DHX35: variants seen among roughly 807,000 people sequenced by gnomAD.
The protein encoded by DHX35 is probable ATP-dependent RNA helicase DHX35.
DHX35 carries 84 observed loss-of-function variants against 99.6 expected under a neutral mutation model. That is an observed-to-expected ratio of 0.84 (90% confidence interval 0.71 to 1.01). The LOEUF is 1.01. DHX35 is among the 50% of genes least tolerant of loss of function. DHX35 has a pLI of 0.00. For missense variants in DHX35, 852 were observed against 888.5 expected (o/e 0.96, Z 0.52); for synonymous variants, 331 against 316.2 (o/e 1.05, Z -0.50).
intron 8 of DHX35, among the ~76,000 whole-genome samples, chr20:38,996,023 T>G (rs1192966561): frequency 6.6e-6 from 1 of 152,208 alleles, no homozygotes; most frequent in Non-Finnish European, 1.5e-5. Context: ...GTCTCCTTGC[T>G]GTTCCTCAAA....
intron 9 of DHX35, 102 bp downstream of exon 9, chr20:39,001,944 GAGC>G (rs1158410460): frequency 1.1e-6 from 1 of 931,490 alleles, no homozygotes; most frequent in East Asian, 2.4e-5. Context: ...GGATGGGGAG[GAGC>G]ATGTTTTGTG....
chr20:39,028,554 CA>C, intron 19 of DHX35, 55 bp downstream of exon 19: 4 of 1,551,924 alleles, frequency 2.6e-6, no homozygotes, highest in Non-Finnish European at 3.6e-6. Context: ...ACAAATGACC[CA>C]AACCCCACAG....
Position 38,988,905 on chromosome 20 carries a change from C to T in DHX35, c.438C>T (p.Ala146=). 1 of 1,612,678 alleles carries T rather than the reference C, an allele frequency of 6.2e-7. No homozygotes were observed. The highest frequency in any genetic ancestry group is 8.5e-7 in the Non-Finnish European group (1 of 1,179,070). ...TTGATGACTGCACCGACCAGCTGGC[C>T]ACGAGAATTAAGGTAAAGTGCTCAA... ...IRFDDCTDQL[A]TRIKFLTDGM... Residue 146 remains alanine (A), a synonymous_variant, in exon 5 of 22, where the codon GCC becomes GCT. Transcript: ENST00000252011.
chr20:38,994,679 C>G (rs1272200135), intron 7 of DHX35, 142 bp from the exon 8 acceptor site: 5 of 189,912 alleles, frequency 2.6e-5, no homozygotes, highest in East Asian at 3.2e-4. Flanking sequence ...TCAGTCCTTT[C>G]ATCTGTAAGC....
chr20:38,980,443 G>A (rs1162245832), intron 3 of DHX35, among the ~76,000 whole-genome samples: 2 of 151,350 alleles, frequency 1.3e-5, no homozygotes, highest in African/African-American at 2.4e-5. Context: ...TGCATATAAG[G>A]CACTCAGTAC....
intron 2 of DHX35, among the ~76,000 whole-genome samples, chr20:38,971,727 C>G (rs1292397304): frequency 6.6e-6 from 1 of 152,182 alleles, no homozygotes; most frequent in Non-Finnish European, 1.5e-5. Context: ...GTATTATTCA[C>G]ACTGTTCTAC....
intron 12 of DHX35, among the ~76,000 whole-genome samples, chr20:39,009,005 T>C (rs2086660186): frequency 6.6e-6 from 1 of 152,174 alleles, no homozygotes; most frequent in Admixed American, 6.5e-5. Flanking sequence ...GGCCCCTGCA[T>C]ATCACTGAAG....
intron 2 of DHX35, among the ~76,000 whole-genome samples, chr20:38,972,008 T>G (rs1175007795): frequency 4.0e-5 from 5 of 126,144 alleles, no homozygotes; most frequent in South Asian, 2.4e-4. Context: ...TGTTTTGTTT[T>G]TTTTTTTTTT....
Position 39,028,473 on chromosome 20 carries a change from G to C in DHX35, c.1857G>C (p.Ala619=), listed in dbSNP as rs147737598. The change falls in exon 19 of 22, where the codon GCG becomes GCC. Residue 619 remains alanine (A), a synonymous_variant. Transcript: ENST00000252011. ...TCTCCGGCTTCTTCGCCAATGCAGCGAGGTTTCATTCTACTGGAGCTTATA... is the reference window on the plus strand; with the variant it reads ...TCTCCGGCTTCTTCGCCAATGCAGCCAGGTTTCATTCTACTGGAGCTTATA... ...CIVSGFFANA[A]RFHSTGAYRT... 1 of 1,614,108 alleles carries C rather than the reference G, an allele frequency of 6.2e-7. No homozygotes were observed. Among genetic ancestry groups the C allele is most frequent in the Non-Finnish European group, 8.5e-7 (1 of 1,180,062 alleles).
intron 3 of DHX35, among the ~76,000 whole-genome samples, chr20:38,972,877 T>A (rs191436603): frequency 6.6e-6 from 1 of 152,248 alleles, no homozygotes; most frequent in Non-Finnish European, 1.5e-5. Flanking sequence ...AGTAATGGAA[T>A]GGCCATCTTC....
chr20:39,025,876 C>T (rs1019756204), intron 18 of DHX35, among the ~76,000 whole-genome samples: 6 of 152,204 alleles, frequency 3.9e-5, no homozygotes, highest in Non-Finnish European at 8.8e-5. Context: ...CAGTAGGTTA[C>T]GCTGTGGCAG....
chr20:38,991,960 C>T (rs958604797), intron 6 of DHX35, among the ~76,000 whole-genome samples: 6 of 152,180 alleles, frequency 3.9e-5, no homozygotes, highest in South Asian at 2.1e-4. Flanking sequence ...CCCTGGCCCA[C>T]GTGTGTCACA....
intron 8 of DHX35, among the ~76,000 whole-genome samples, chr20:38,998,240 A>G (rs2086461347): frequency 2.6e-5 from 4 of 152,258 alleles, no homozygotes; most frequent in Admixed American, 2.0e-4. Flanking sequence ...GGCAGAATAT[A>G]TGGTTGCTGG....
At chr20:39,005,894 G>C (rs1040396106) in intron 11 of DHX35, among the ~76,000 whole-genome samples, 1 of 152,102 alleles carries the variant, frequency 6.6e-6, no homozygotes, top group African/African-American at 2.4e-5. Context: ...CCTAGGGGAG[G>C]TGGTAAATCT....
chr20:38,969,082 T>C lies in DHX35; in HGVS notation c.42T>C (p.Gly14=), dbSNP rs774977003. 1 of 1,602,956 alleles carries C rather than the reference T, an allele frequency of 6.2e-7. No individual in the cohort carries two copies. The highest frequency in any genetic ancestry group is 1.3e-5 in the African/African-American group (1 of 74,282). ...PVGPVKFWRP[G]TEGPGVSISE... Reference sequence around the variant, plus strand: ...GAAAAAAAAACATTTCTGCTGCAGGTACAGAGGGGCCAGGTGTAAGCATCT... The same window carrying C: ...GAAAAAAAAACATTTCTGCTGCAGGCACAGAGGGGCCAGGTGTAAGCATCT... The change falls in exon 2 of 22, where the codon GGT becomes GGC. Residue 14 remains glycine (G), a splice_region_variant and synonymous_variant. Transcript: ENST00000252011.
intron 14 of DHX35, among the ~76,000 whole-genome samples, chr20:39,016,337 C>G (rs2145922398): frequency 6.6e-6 from 1 of 152,304 alleles, no homozygotes; most frequent in South Asian, 2.1e-4. Context: ...GGCCCCATCT[C>G]CCAACACTGT....
intron 16 of DHX35, among the ~76,000 whole-genome samples, chr20:39,022,647 T>C (rs2145932309): frequency 6.6e-6 from 1 of 152,308 alleles, no homozygotes; most frequent in South Asian, 2.1e-4. Flanking sequence ...GGCACATTAG[T>C]GACATAAGAA....
intron 3 of DHX35, among the ~76,000 whole-genome samples, chr20:38,977,058 A>C (rs1038153803): frequency 8.5e-5 from 13 of 152,216 alleles, no homozygotes; most frequent in African/African-American, 3.1e-4. Context: ...TAGTGATGGG[A>C]GTGTACATGT....
intron 15 of DHX35, 74 bp downstream of exon 15, chr20:39,018,973 C>T: frequency 7.2e-7 from 1 of 1,393,898 alleles, no homozygotes; most frequent in Admixed American, 1.7e-5. Context: ...ATTCTGAGCA[C>T]CCTGGGGAAG....
Sources: allele counts gnomAD v4.1 joint callset (sites outside exome capture counted in the v4.1 genomes callset), GRCh38; gene constraint gnomAD v4.1.1; transcripts MANE v1.5; gene names NCBI Gene and HGNC (gene_info 2026-07-23, HGNC 2026-07-21).